PSME3IP1: variants seen among roughly 807,000 people sequenced by gnomAD.
The protein encoded by PSME3IP1 is proteasome activator subunit 3 interacting protein 1.
Under a neutral mutation model 34.1 loss-of-function variants are expected in PSME3IP1, and 13 were observed. That is an observed-to-expected ratio of 0.38 (90% CI 0.25 to 0.61). The LOEUF is 0.61. PSME3IP1 is among the 20% of genes least tolerant of loss of function. The probability of loss-of-function intolerance (pLI) is 0.60; values close to 1 mark genes in which losing one functional copy is unlikely to be tolerated. For synonymous variants in PSME3IP1, 93 were observed against 114.3 expected (o/e 0.81, Z 1.19); for missense variants, 237 against 301.4 (o/e 0.79, Z 1.58).
chr16:57,158,548 A>AC (rs1231951202), intron 6 of PSME3IP1, among the ~76,000 whole-genome samples: 1 of 152,172 alleles, frequency 6.6e-6, no homozygotes, highest in Non-Finnish European at 1.5e-5. Context: ...GGATCGCACC[A>AC]CCCCACTCCA....
rs1232279501 is a variant in PSME3IP1 at position 57,154,281 on chromosome 16, A to G, written c.*9T>C. The G allele has an allele frequency of 5.6e-6, 9 of 1,613,076 alleles. No individual in the cohort carries two copies. Among genetic ancestry groups the G allele is most frequent in the Non-Finnish European group, 6.8e-6 (8 of 1,179,400 alleles). ...TTGGGGAGGAGCTCCCTGTGTAGGGACGGAGAAACTAGGGGGCCTCGAGGA... is the reference window on the plus strand; with the variant it reads ...TTGGGGAGGAGCTCCCTGTGTAGGGGCGGAGAAACTAGGGGGCCTCGAGGA... On this transcript the variant is annotated 3_prime_UTR_variant, in exon 7 of 7. Coordinates refer to ENST00000309137, the MANE Select transcript of PSME3IP1 (RefSeq NM_024946.4). This position sits in a 1 kb window ranked among gnomAD's most constrained non-coding sequence, Gnocchi z 4.0.
At chr16:57,176,220 T>C (rs2073157350) in intron 1 of PSME3IP1, among the ~76,000 whole-genome samples, 1 of 152,252 alleles carries the variant, frequency 6.6e-6, no homozygotes, top group South Asian at 2.1e-4. Context: ...TCTAGGGCTC[T>C]AATGGTTGGG....
At chr16:57,182,551 TAAA>T (rs10717048) in intron 1 of PSME3IP1, among the ~76,000 whole-genome samples, 3 of 76,756 alleles carry the variant, frequency 3.9e-5, no homozygotes, top group Non-Finnish European at 7.3e-5. Flanking sequence ...CCATTTCCCT[TAAA>T]AAAAAAAAAA....
Position 57,153,912 on chromosome 16 carries a change from C to T in PSME3IP1, c.*378G>A. On this transcript the variant is annotated 3_prime_UTR_variant, in exon 7 of 7. Transcript: ENST00000309137. ...TAAATAACACCTGTCCAATAACTGC[C>T]CTTACTTCTTTGTGCTGTCGGGAAA... is the stretch of plus-strand genomic sequence containing the variant. 1 of 225,578 alleles carries T rather than the reference C, an allele frequency of 4.4e-6. No individual in the cohort carries two copies. The highest frequency in any genetic ancestry group is 6.6e-5 in the South Asian group (1 of 15,040). 14.0% of individuals were successfully genotyped at this position (225,578 alleles called of 1,614,324 possible). A position where few individuals can be genotyped will look rare whatever the true frequency, so the allele number is the denominator to read the frequency against.
At chr16:57,166,729 A>G (rs1334618822) in intron 5 of PSME3IP1, among the ~76,000 whole-genome samples, 5 of 152,198 alleles carry the variant, frequency 3.3e-5, no homozygotes, top group Non-Finnish European at 7.3e-5. Context: ...TCTTGCACAA[A>G]GAAGGGTCTC....
chr16:57,167,280 C>T, intron 4 of PSME3IP1, 54 bp from the exon 5 acceptor site: 1 of 1,602,092 alleles, frequency 6.2e-7, no homozygotes, highest in Non-Finnish European at 8.6e-7. Flanking sequence ...ACAAATATAA[C>T]CCACTAGCCC....
intron 3 of PSME3IP1, 138 bp downstream of exon 3, chr16:57,172,638 C>T: frequency 1.3e-6 from 1 of 793,826 alleles, no homozygotes; most frequent in Non-Finnish European, 2.1e-6. Context: ...AAGGCTGTCT[C>T]TTTTCCACCA....
At chr16:57,174,309 T>A in intron 1 of PSME3IP1, 5 of 392,520 alleles carry the variant, frequency 1.3e-5, no homozygotes, top group Non-Finnish European at 1.4e-5. Context: ...AAAAAAAAAC[T>A]CTCAAATAGT....
intron 2 of PSME3IP1, among the ~76,000 whole-genome samples, 174 bp downstream of exon 2, chr16:57,173,554 G>C (rs1355253853): frequency 4.6e-5 from 7 of 152,160 alleles, no homozygotes; most frequent in African/African-American, 1.4e-4. Flanking sequence ...TCCTGAGCCT[G>C]GGAGGCAGAG....
At chr16:57,174,496 GAAAA>G in intron 1 of PSME3IP1, 2 of 985,348 alleles carry the variant, frequency 2.0e-6, no homozygotes, top group Non-Finnish European at 2.4e-6. Flanking sequence ...CTCTAATCTA[GAAAA>G]ATTGGCCTCC....
intron 3 of PSME3IP1, 47 bp from the exon 4 acceptor site, chr16:57,172,419 A>T (rs775301905): frequency 1.3e-6 from 2 of 1,584,792 alleles, no homozygotes; most frequent in Non-Finnish European, 1.7e-6. Context: ...TAAAGGGAAA[A>T]ATAAGATTTT....
At position 57,157,313 on chromosome 16, in the gene PSME3IP1, C is replaced by CAA. The variant is rs751911757; in HGVS notation, c.548-2808_548-2807dup. On this transcript the variant is annotated intron_variant, in intron 6 of 6. Transcript: ENST00000309137. ...GGGTGACAGAGCGAGAACCTATCTC[C>CAA]AAAAAAAAAAAAAAAAAAAGAAGAA... 3.0e-3 allele frequency among the ~76,000 whole-genome samples: 233 copies of CAA among 76,808 alleles called. 1 individual carries two copies. The highest frequency in any genetic ancestry group is 0.01 in the African/African-American group (200 of 19,332). The allele number at this position is 76,808 out of a possible 152,430, so 50.4% of individuals were successfully genotyped here.
chr16:57,164,185 T>G (rs1033854060), intron 5 of PSME3IP1, 120 bp from the exon 6 acceptor site: 1 of 748,538 alleles, frequency 1.3e-6, no homozygotes, highest in Non-Finnish European at 2.3e-6. Context: ...GCTGGGATGA[T>G]AAAAATGAAT....
chr16:57,167,113 T>C lies in PSME3IP1; in HGVS notation c.462A>G (p.Ala154=), dbSNP rs1326693114. The C allele has an allele frequency of 6.2e-7, 1 of 1,613,902 alleles. No individual in the cohort carries two copies. The highest frequency in any genetic ancestry group is 1.1e-5 in the South Asian group (1 of 91,072). Residue 154 remains alanine, a synonymous_variant, in exon 5 of 7, where the codon GCA becomes GCG. Transcript: ENST00000309137. ...KNKFSQAKLL[A]GAVKHKSSES... is the part of the protein sequence containing the mutation. Reference sequence around the variant, plus strand: ...CTAACCTCTTATGCTTCACAGCTCCTGCCAACAGCTTCGCCTGGGAGAACT... The same window carrying C: ...CTAACCTCTTATGCTTCACAGCTCCCGCCAACAGCTTCGCCTGGGAGAACT...
At chr16:57,166,424 G>A (rs767581892) in intron 5 of PSME3IP1, among the ~76,000 whole-genome samples, 6 of 152,070 alleles carry the variant, frequency 3.9e-5, no homozygotes. Context: ...ACCCTGCCAG[G>A]GCTGCCATGT....
intron 6 of PSME3IP1, among the ~76,000 whole-genome samples, chr16:57,157,366 T>A (rs994341102): frequency 6.7e-6 from 1 of 149,164 alleles, no homozygotes; most frequent in Admixed American, 6.7e-5. Flanking sequence ...CATCTCTGTG[T>A]GTACTGTTAT....
chr16:57,157,710 G>A (rs571797493), intron 6 of PSME3IP1, among the ~76,000 whole-genome samples: 317 of 151,986 alleles, frequency 2.1e-3, no homozygotes, highest in Non-Finnish European at 3.5e-3. Context: ...CCTCCCAGAG[G>A]GCTGGGATTA....
chr16:57,167,584 G>A (rs2072045543), intron 4 of PSME3IP1, among the ~76,000 whole-genome samples: 1 of 152,204 alleles, frequency 6.6e-6, no homozygotes. Flanking sequence ...TGGCTTCCCT[G>A]AAAACATGCT....
intron 1 of PSME3IP1, among the ~76,000 whole-genome samples, chr16:57,182,915 A>G (rs897530496): frequency 2.6e-5 from 4 of 152,220 alleles, no homozygotes; most frequent in African/African-American, 7.2e-5. Flanking sequence ...CATCTCAAAG[A>G]AAAAAGATTT....
Sources: allele counts gnomAD v4.1 joint callset (sites outside exome capture counted in the v4.1 genomes callset), GRCh38; gene constraint gnomAD v4.1.1; non-coding constraint Gnocchi (gnomAD v3.1); transcripts MANE v1.5; gene names NCBI Gene and HGNC (gene_info 2026-07-23, HGNC 2026-07-21).